The following ALPK2 variants were observed in gnomAD, a reference collection of about 807,000 sequenced individuals.
ALPK2 encodes the protein alpha kinase 2, also known as alpha-protein kinase 2.
A neutral mutation model predicts 163.1 loss-of-function variants in ALPK2; 127 were observed. That is an observed-to-expected ratio of 0.78 (90% confidence interval 0.67 to 0.90). The LOEUF (loss-of-function observed/expected upper bound fraction) is 0.90. ALPK2 is among the 40% of genes least tolerant of loss of function. The pLI is 0.00. For synonymous variants in ALPK2, 953 were observed against 959.1 expected (o/e 0.99, Z 0.12); for missense variants, 2,360 against 2,589.6 (o/e 0.91, Z 1.92).
chr18:58,515,140 C>G, intron 9 of ALPK2, 59 bp from the exon 10 acceptor site: 1 of 1,274,532 alleles, frequency 7.8e-7, no homozygotes. Flanking sequence ...GACAGTATTG[C>G]CCAGTAAGAC....
rs1052632384 is a variant in ALPK2 at position 58,578,981 on chromosome 18, C to T, written c.1795G>A (p.Ala599Thr). 3.1e-6 allele frequency: 5 copies of T among 1,614,102 alleles called. No individual in the cohort carries two copies. In the African/African-American group the frequency reaches 4.0e-5, roughly 13 times the overall value. ...TGGGTTGAAATAGCACATTCTCTTG[C>T]ATCAGCATGGGAACTCCGACCAGTC... ...AATGRSSHADARECAISTQAE... is the reference protein window; with the variant it reads ...AATGRSSHADTRECAISTQAE... The change falls in exon 4 of 13, where the codon GCA becomes ACA. Residue 599 changes from alanine (A) to threonine (T), a missense_variant. Physicochemically the swap from Ala to Thr is moderately conservative, Grantham distance 58 (BLOSUM62 0). Coordinates refer to ENST00000361673, the MANE Select transcript of ALPK2 (RefSeq NM_052947.4).
intron 4 of ALPK2, among the ~76,000 whole-genome samples, chr18:58,563,155 A>AT (rs35002131): frequency 5.9e-5 from 9 of 151,972 alleles, no homozygotes; most frequent in Non-Finnish European, 1.0e-4. Flanking sequence ...TATTGGCTCA[A>AT]TTTTTTTTAC....
intron 5 of ALPK2, 55 bp from the exon 6 acceptor site, chr18:58,529,293 C>T: frequency 6.7e-7 from 1 of 1,492,116 alleles, no homozygotes; most frequent in Admixed American, 2.0e-5. Context: ...CATTTCATAC[C>T]ATTTAATTCT....
intron 1 of ALPK2, among the ~76,000 whole-genome samples, chr18:58,617,081 G>C (rs934638438): frequency 6.6e-6 from 1 of 152,202 alleles, no homozygotes; most frequent in African/African-American, 2.4e-5. Flanking sequence ...CTCTTCTTCC[G>C]TGTTGATGAT....
At chr18:58,513,431 T>C (rs572085416) in intron 10 of ALPK2, among the ~76,000 whole-genome samples, 1 of 152,308 alleles carries the variant, frequency 6.6e-6, no homozygotes, top group African/African-American at 2.4e-5. Context: ...GTGGTTTAGA[T>C]AGAAAAATGT....
intron 3 of ALPK2, among the ~76,000 whole-genome samples, chr18:58,601,075 G>A (rs537625990): frequency 6.6e-6 from 1 of 152,274 alleles, no homozygotes; most frequent in African/African-American, 2.4e-5. Flanking sequence ...GGCCAACATG[G>A]TGAAACCCCA....
At chr18:58,550,984 A>G (rs1299109532) in intron 4 of ALPK2, among the ~76,000 whole-genome samples, 1 of 151,406 alleles carries the variant, frequency 6.6e-6, no homozygotes, top group African/African-American at 2.4e-5. Context: ...CCCTACCTCT[A>G]TCATATACAA....
Position 58,579,706 on chromosome 18 carries a change from A to G in ALPK2, c.1070T>C (p.Leu357Ser), listed in dbSNP as rs758477767. 1.9e-6 allele frequency: 3 copies of G among 1,614,032 alleles called. No homozygotes were observed. In the East Asian group the frequency reaches 6.7e-5, roughly 36 times the overall value. The stretch of plus-strand genomic sequence containing the variant: ...TTCCATCTCTTCGTCATCGCTTTCT[A>G]ATAAAAAAACATGCTCAGTCCCCAG... ...NLLGTEHVFL[L>S]ESDDEEMEFG... The change falls in exon 4 of 13, where the codon TTA (leucine) becomes TCA (serine). Residue 357 changes from leucine to serine, a missense_variant. Leu to Ser is a moderately radical substitution (Grantham distance 145, BLOSUM62 -2). Transcript: ENST00000361673.
chr18:58,612,436 T>A (rs1162707648), intron 1 of ALPK2, among the ~76,000 whole-genome samples: 4 of 152,244 alleles, frequency 2.6e-5, no homozygotes, highest in Admixed American at 1.3e-4. Flanking sequence ...AGGCAGGCAC[T>A]AAACACTTGA....
chr18:58,539,495 T>C (rs536830790), intron 4 of ALPK2, among the ~76,000 whole-genome samples: 3 of 152,284 alleles, frequency 2.0e-5, no homozygotes, highest in Admixed American at 2.0e-4. Context: ...TCATGAAACT[T>C]TTAGCTCATT....
Position 58,579,395 on chromosome 18 carries a change from C to G in ALPK2, c.1381G>C (p.Asp461His), listed in dbSNP as rs762184941. The change falls in exon 4 of 13, where the codon GAT (aspartate) becomes CAT (histidine). Residue 461 changes from aspartate to histidine, a missense_variant. Physicochemically the swap from Asp to His is moderately conservative, Grantham distance 81. Transcript: ENST00000361673. ...GTTTCTCCTTGAATTCCTGGATAATCATTTTCAGCAGCCTCGGGAGCAGTG... is the reference window on the plus strand; with the variant it reads ...GTTTCTCCTTGAATTCCTGGATAATGATTTTCAGCAGCCTCGGGAGCAGTG... The part of the protein sequence containing the change: ...LPTAPEAAEN[D>H]YPGIQGETRD... 1 of 1,614,168 alleles carries G rather than the reference C, an allele frequency of 6.2e-7. No homozygotes were observed. The highest frequency in any genetic ancestry group is 8.5e-7 in the Non-Finnish European group (1 of 1,180,038).
chr18:58,541,790 A>G (rs2051691385), intron 4 of ALPK2, among the ~76,000 whole-genome samples: 1 of 152,156 alleles, frequency 6.6e-6, no homozygotes, highest in African/African-American at 2.4e-5. Context: ...TGAAGCCTTT[A>G]ACAGCCCAGT....
At chr18:58,546,684 G>A (rs946719407) in intron 4 of ALPK2, among the ~76,000 whole-genome samples, 2 of 152,138 alleles carry the variant, frequency 1.3e-5, no homozygotes, top group Non-Finnish European at 2.9e-5. Flanking sequence ...CAACACAGGC[G>A]GGGACCATGT....
chr18:58,537,044 A>G lies in ALPK2; in HGVS notation c.3143T>C (p.Val1048Ala). Residue 1048 changes from valine to alanine, a missense_variant, in exon 5 of 13, where the codon GTT becomes GCT. Transcript: ENST00000361673. ...ERFPRASHEK[V>A]SQFPSQVQLD... ...CTGCACTTGGGAAGGAAATTGGGAA[A>G]CCTTTTCATGGGATGCACGAGGGAA... The G allele has an allele frequency of 6.2e-7, 1 of 1,613,842 alleles. No homozygotes were observed. Among genetic ancestry groups the G allele is most frequent in the Non-Finnish European group, 8.5e-7 (1 of 1,179,778 alleles).
In ALPK2 at chr18:58,542,496, T is replaced by G. The variant is rs78443474; in HGVS notation, c.1963-4272A>C. Among the ~76,000 whole-genome samples, 339 of 152,360 alleles carry G rather than the reference T, an allele frequency of 2.2e-3. 1 individual carries two copies. Among genetic ancestry groups the G allele is most frequent in the Non-Finnish European group, 4.2e-3 (284 of 68,026 alleles). On this transcript the variant is annotated intron_variant, in intron 4 of 12. Transcript: ENST00000361673. ...ATCTCTTCTTTACTGATGAGATGAA[T>G]AGCCTAGGTCCAATCATAGAAACCA...
chr18:58,602,905 A>G (rs2052078542), intron 3 of ALPK2, among the ~76,000 whole-genome samples: 1 of 152,182 alleles, frequency 6.6e-6, no homozygotes, highest in African/African-American at 2.4e-5. Flanking sequence ...AATGTGTTAG[A>G]TGCCAAAAGA....
chr18:58,567,224 T>TA (rs34026272), intron 4 of ALPK2, among the ~76,000 whole-genome samples: 307 of 144,876 alleles, frequency 2.1e-3, no homozygotes, highest in African/African-American at 6.5e-3. Context: ...TGTCTCTACT[T>TA]AAAAAAAAAA....
At chr18:58,545,644 TG>T (rs1303798015) in intron 4 of ALPK2, among the ~76,000 whole-genome samples, 1 of 152,246 alleles carries the variant, frequency 6.6e-6, no homozygotes, top group African/African-American at 2.4e-5. Context: ...TAGCTTCAAC[TG>T]GTCAGTCTTC....
chr18:58,498,792 G>GC (rs2051415484), intron 11 of ALPK2, among the ~76,000 whole-genome samples: 1 of 152,154 alleles, frequency 6.6e-6, no homozygotes, highest in Non-Finnish European at 1.5e-5. Context: ...CATGTAAGAC[G>GC]TGCCTTCCGC....
Sources: allele counts gnomAD v4.1 joint callset (sites outside exome capture counted in the v4.1 genomes callset), GRCh38; gene constraint gnomAD v4.1.1; transcripts MANE v1.5; gene names NCBI Gene and HGNC (gene_info 2026-07-23, HGNC 2026-07-21).